The following HEPHL1 variants were observed in gnomAD, a reference collection of about 807,000 sequenced individuals.
HEPHL1 encodes ferroxidase HEPHL1.
Under a neutral mutation model 122.0 loss-of-function variants are expected in HEPHL1, and 123 were observed. The ratio of observed to expected loss-of-function variants is 1.01; its 90% confidence interval spans 0.87 to 1.17. The LOEUF (loss-of-function observed/expected upper bound fraction) is 1.17, where lower values mean the gene tolerates loss of function less well. Among genes scored for constraint, HEPHL1 ranks in the 50% most tolerant of loss-of-function variants. HEPHL1 has a pLI of 0.00. For synonymous variants in HEPHL1, 527 were observed against 508.9 expected, an observed-to-expected ratio of 1.04 and a Z score of -0.48; for missense variants, 1,452 against 1,430.5, an observed-to-expected ratio of 1.01 and a Z score of -0.24.
At chr11:94,093,127 T>A (rs1042553917) in intron 12 of HEPHL1, among the ~76,000 whole-genome samples, 2 of 139,124 alleles carry the variant, frequency 1.4e-5, no homozygotes, top group African/African-American at 2.7e-5. Flanking sequence ...TGTGTGTGTG[T>A]GTGATGACAC....
chr11:94,088,061 A>G (rs4491178), intron 11 of HEPHL1, among the ~76,000 whole-genome samples: 16,790 of 152,202 alleles, frequency 0.11, 966 homozygotes, highest in Admixed American at 0.14. Context: ...ATGGTGAGTT[A>G]AGAAATATCT....
intron 6 of HEPHL1, among the ~76,000 whole-genome samples, chr11:94,072,550 GT>G (rs1291065989): frequency 2.0e-5 from 3 of 152,036 alleles, no homozygotes; most frequent in Non-Finnish European, 4.4e-5. Flanking sequence ...CATGCATATG[GT>G]TTATATGGTA....
intron 1 of HEPHL1, among the ~76,000 whole-genome samples, chr11:94,028,755 C>T (rs1445856184): frequency 6.6e-6 from 1 of 152,216 alleles, no homozygotes; most frequent in Non-Finnish European, 1.5e-5. Context: ...AACATTCTAA[C>T]AAATATACTC....
chr11:94,093,995 T>G (rs879739341), intron 13 of HEPHL1, among the ~76,000 whole-genome samples: 1,024 of 89,376 alleles, frequency 0.011, 92 homozygotes, highest in Non-Finnish European at 0.017. Context: ...TATATATATA[T>G]ATATATATAT....
rs1197105473 is a variant in HEPHL1 at position 94,070,543 on chromosome 11, G to C, written c.1232+1G>C. ...GTCTTCCTCTAAACGCCTCTGGCAG[G>C]TAAGCACCCTTTGTTGGTGTTTCTA... On this transcript the variant is annotated splice_donor_variant, in intron 6 of 19. Transcript: ENST00000315765. LOFTEE classifies it high-confidence loss of function. 1.2e-6 allele frequency: 2 copies of C among 1,606,650 alleles called. No individual in the cohort carries two copies. Among genetic ancestry groups the C allele is most frequent in the South Asian group, 1.1e-5 (1 of 89,838 alleles).
rs920128340 is a variant in HEPHL1 at position 94,073,577 on chromosome 11, T to C, written c.1504+138T>C. 3.8e-5 allele frequency: 30 copies of C among 789,770 alleles called. No individual in the cohort carries two copies. In the African/African-American group the frequency reaches 4.0e-4, roughly 11 times the overall value. The allele number at this position is 789,770 out of a possible 1,614,324, so 48.9% of individuals were successfully genotyped here. A position where few individuals can be genotyped will look rare whatever the true frequency, so the allele number is the denominator to read the frequency against. On this transcript the variant is annotated intron_variant, in intron 8 of 19. Transcript: ENST00000315765. ...GGCAATCACTTAAACTTTCTGAACC[T>C]GATTCTCTCCTGTCAAATGCAGATA...
chr11:94,068,655 GA>G (rs1190828220), intron 5 of HEPHL1, among the ~76,000 whole-genome samples: 1 of 152,146 alleles, frequency 6.6e-6, no homozygotes, highest in Non-Finnish European at 1.5e-5. Flanking sequence ...GCACACTAGT[GA>G]CATAATCGGT....
intron 12 of HEPHL1, among the ~76,000 whole-genome samples, chr11:94,090,850 C>G (rs184931012): frequency 2.0e-5 from 3 of 152,270 alleles, no homozygotes; most frequent in Admixed American, 6.5e-5. Context: ...CTGGTCAGCA[C>G]AGGCCCTCTG....
At chr11:94,104,446 T>C in intron 15 of HEPHL1, 82 bp from the exon 16 acceptor site, 2 of 952,844 alleles carry the variant, frequency 2.1e-6, no homozygotes, top group South Asian at 1.6e-5. Flanking sequence ...ATTATGACCC[T>C]ACACTAGAAT....
chr11:94,051,597 C>G (rs1449286826), intron 2 of HEPHL1, among the ~76,000 whole-genome samples: 1 of 152,044 alleles, frequency 6.6e-6, no homozygotes, highest in Non-Finnish European at 1.5e-5. Flanking sequence ...ATTGTCTCTT[C>G]ACTTTGTTGA....
rs766006698 is a variant in HEPHL1, at chr11:94,067,599, TTCTA to T, written c.918_921del (p.Tyr307SerfsTer28). The T allele has an allele frequency of 9.9e-6, 16 of 1,613,280 alleles. No individual in the cohort carries two copies. The Middle Eastern group carries it at 4.9e-4, about 50-fold the overall frequency. On this transcript the variant is annotated frameshift_variant, in exon 5 of 20. Coordinates refer to ENST00000315765, the MANE Select transcript of HEPHL1 (RefSeq NM_001098672.2). LOFTEE classifies it high-confidence loss of function. Reference sequence around the variant, plus strand: ...GAATGGGGAATGAAATAGACATCCATTCTATCTATTTCTATGGTAACACCTTCAT... The same window carrying T: ...GAATGGGGAATGAAATAGACATCCATTCTATTTCTATGGTAACACCTTCAT...
intron 1 of HEPHL1, among the ~76,000 whole-genome samples, chr11:94,032,168 A>C (rs1308261051): frequency 1.3e-5 from 2 of 152,148 alleles, no homozygotes; most frequent in Admixed American, 1.3e-4. Context: ...ATTTCCAGTG[A>C]ATTTTATCCA....
At chr11:94,024,694 G>A (rs1945609288) in intron 1 of HEPHL1, among the ~76,000 whole-genome samples, 1 of 152,082 alleles carries the variant, frequency 6.6e-6, no homozygotes, top group Non-Finnish European at 1.5e-5. Flanking sequence ...CATGGAGCTT[G>A]GGGTCTTTAT....
chr11:94,063,571 A>C lies in HEPHL1; in HGVS notation c.479A>C (p.Lys160Thr). The change falls in exon 3 of 20, where the codon AAA (lysine) becomes ACA (threonine). Residue 160 changes from lysine to threonine, a missense_variant. Physicochemically the swap from Lys to Thr is moderately conservative, Grantham distance 78. Coordinates refer to ENST00000315765, the MANE Select transcript of HEPHL1 (RefSeq NM_001098672.2). ...AATGATGACATGGTTCCTCCTGGGA[A>C]AAACTACACCTACGTCTGGCCGGTG... ...NKNDDMVPPG[K>T]NYTYVWPVRE... The C allele has an allele frequency of 1.2e-6, 2 of 1,613,772 alleles. No individual in the cohort carries two copies. The highest frequency in any genetic ancestry group is 1.7e-6 in the Non-Finnish European group (2 of 1,179,810).
chr11:94,068,440 A>G (rs545156642), intron 5 of HEPHL1, among the ~76,000 whole-genome samples: 9 of 152,282 alleles, frequency 5.9e-5, no homozygotes, highest in African/African-American at 1.7e-4. Flanking sequence ...TTCATGTCCT[A>G]TGATAGGTGC....
At chr11:94,092,636 C>G (rs1033583404) in intron 12 of HEPHL1, among the ~76,000 whole-genome samples, 1 of 152,110 alleles carries the variant, frequency 6.6e-6, no homozygotes, top group Non-Finnish European at 1.5e-5. Context: ...TGTAAGAAGC[C>G]TCTGATGTGC....
chr11:94,022,161 G>A (rs747318244), intron 1 of HEPHL1, among the ~76,000 whole-genome samples: 2 of 152,244 alleles, frequency 1.3e-5, no homozygotes, highest in Non-Finnish European at 2.9e-5. Context: ...GTGAGATGGC[G>A]CCACGGTGTT....
At chr11:94,042,766 C>T (rs550829794) in intron 1 of HEPHL1, among the ~76,000 whole-genome samples, 2,676 of 143,774 alleles carry the variant, frequency 0.019, 92 homozygotes, top group African/African-American at 0.066. Context: ...GGGAGATATA[C>T]CTAATGCTAG....
chr11:94,041,193 A>G (rs981768943), intron 1 of HEPHL1, among the ~76,000 whole-genome samples: 1 of 150,926 alleles, frequency 6.6e-6, no homozygotes, highest in Admixed American at 6.6e-5. Context: ...TTCAAGGAGA[A>G]CTACAAGCCA....
Sources: allele counts gnomAD v4.1 joint callset (sites outside exome capture counted in the v4.1 genomes callset), GRCh38; gene constraint gnomAD v4.1.1; transcripts MANE v1.5; gene names NCBI Gene and HGNC (gene_info 2026-07-23, HGNC 2026-07-21).